GMPS: variants seen among roughly 807,000 people sequenced by gnomAD.
GMPS encodes guanosine monophosphate synthase.
GMPS carries 15 observed loss-of-function variants against 77.9 expected under a neutral mutation model. That is an observed-to-expected ratio of 0.19 (90% CI 0.13 to 0.30). The LOEUF is 0.30. Among genes scored for constraint, GMPS ranks in the 10% least tolerant of loss-of-function variants. The probability of loss-of-function intolerance (pLI) is 1.00; values close to 1 mark genes in which losing one functional copy is unlikely to be tolerated. For synonymous variants in GMPS, 224 were observed against 275.9 expected, an observed-to-expected ratio of 0.81 and a Z score of 1.86; for missense variants, 590 against 838.8, an observed-to-expected ratio of 0.70 and a Z score of 3.66.
chr3:155,940,031 G>T lies in GMPS; in HGVS notation c.*2339G>T. 1 of 208,474 alleles carries T rather than the reference G, an allele frequency of 4.8e-6. No individual in the cohort carries two copies. 12.9% of individuals were successfully genotyped at this position (208,474 alleles called of 1,614,324 possible). On this transcript the variant is annotated 3_prime_UTR_variant, in exon 16 of 16. Transcript: ENST00000496455. ...AAAATTATATAAACATTTATGGGAT[G>T]CTTATTTTACTAAGACTAGAATGGT...
intron 10 of GMPS, among the ~76,000 whole-genome samples, chr3:155,920,064 T>C (rs905494338): frequency 6.6e-6 from 1 of 152,336 alleles, no homozygotes; most frequent in East Asian, 1.9e-4. Flanking sequence ...TGCTAGGCAC[T>C]CTGCTAAATA....
At position 155,936,490 on chromosome 3, in the gene GMPS, G is replaced by A; in HGVS notation, c.1960G>A (p.Gly654Ser). The change falls in exon 15 of 16, where the codon GGC becomes AGC. Residue 654 changes from glycine (G) to serine (S), a missense_variant. By Grantham distance (56) the Gly-to-Ser change is moderately conservative. This residue lies in a region of GMPS where 73 missense variants were observed against 170.5 expected (regional missense o/e 0.43). Transcript: ENST00000496455. ...DFMTGIPATP[G>S]NEIPVEVVLK... ...CATGACTGGTATACCTGCAACACCT[G>A]GCAATGAGATCCCTGTAGAGGTAAT... 3.1e-6 allele frequency: 5 copies of A among 1,601,698 alleles called. No individual in the cohort carries two copies. The highest frequency in any genetic ancestry group is 4.3e-6 in the Non-Finnish European group (5 of 1,168,792).
At chr3:155,932,732 T>A (rs1036215573) in intron 13 of GMPS, among the ~76,000 whole-genome samples, 1 of 152,202 alleles carries the variant, frequency 6.6e-6, no homozygotes, top group Non-Finnish European at 1.5e-5. Flanking sequence ...AAGCTTACCT[T>A]TTAATGTTAA....
intron 13 of GMPS, among the ~76,000 whole-genome samples, chr3:155,932,626 TTC>T (rs1415229792): frequency 6.6e-6 from 1 of 152,244 alleles, no homozygotes; most frequent in Non-Finnish European, 1.5e-5. Context: ...TTCACAGTTA[TTC>T]TCTCTGTTCA....
At chr3:155,898,354 C>A (rs1754651114) in intron 3 of GMPS, among the ~76,000 whole-genome samples, 2 of 152,154 alleles carry the variant, frequency 1.3e-5, no homozygotes, top group African/African-American at 4.8e-5. Context: ...ACCCAGTACT[C>A]CAGTTGTTGA....
At chr3:155,922,347 C>CTT in intron 11 of GMPS, 45 bp downstream of exon 11, 1 of 737,582 alleles carries the variant, frequency 1.4e-6, no homozygotes. Context: ...TGAACGGATT[C>CTT]TTATTATATA....
rs763386864 is a variant in GMPS at position 155,931,788 on chromosome 3, C to T, written c.1584C>T (p.Tyr528=). ...GVQGDCRSYS[Y]VCGISSKDEP... is the part of the protein sequence containing the mutation. ...AGGGTGACTGTCGTTCCTACAGTTA[C>T]GTGTGTGGAATCTCCAGTAAAGATG... is the stretch of plus-strand genomic sequence containing the variant. The change falls in exon 13 of 16, where the codon TAC becomes TAT. Residue 528 remains tyrosine (Y), a synonymous_variant. Transcript: ENST00000496455. The T allele has an allele frequency of 1.4e-5, 21 of 1,547,476 alleles. No individual in the cohort carries two copies. The highest frequency in any genetic ancestry group is 1.8e-5 in the Non-Finnish European group (20 of 1,121,770).
intron 1 of GMPS, among the ~76,000 whole-genome samples, chr3:155,872,318 C>T (rs1345562034): frequency 6.6e-6 from 1 of 152,178 alleles, no homozygotes; most frequent in East Asian, 1.9e-4. Context: ...GTGCTTAGGT[C>T]CAGGGAGCTG....
Position 155,941,566 on chromosome 3 carries a change from C to G in GMPS, c.*3874C>G, listed in dbSNP as rs1707482108. On this transcript the variant is annotated 3_prime_UTR_variant, in exon 16 of 16. Transcript: ENST00000496455. Reference sequence around the variant, plus strand: ...TTGCGCAATGTTATAACCACTTTCCCACACTACTCCCCTCCAGAAATCTCA... The same window carrying G: ...TTGCGCAATGTTATAACCACTTTCCGACACTACTCCCCTCCAGAAATCTCA... 4.5e-6 allele frequency: 1 copy of G among 220,918 alleles called. No homozygotes were observed. Among genetic ancestry groups the G allele is most frequent in the East Asian group, 6.6e-5 (1 of 15,200 alleles). The allele number at this position is 220,918 out of a possible 1,614,324, so 13.7% of individuals were successfully genotyped here.
At chr3:155,879,377 C>G (rs1181287979) in intron 1 of GMPS, among the ~76,000 whole-genome samples, 1 of 150,898 alleles carries the variant, frequency 6.6e-6, no homozygotes, top group Non-Finnish European at 1.5e-5. Context: ...AAACGATTCT[C>G]CCACCTCAGC....
intron 1 of GMPS, among the ~76,000 whole-genome samples, chr3:155,871,577 T>G (rs1293246035): frequency 6.6e-6 from 1 of 152,190 alleles, no homozygotes; most frequent in African/African-American, 2.4e-5. Flanking sequence ...GCGCACTCCG[T>G]TCTCCCTCCC....
rs756460649 is a variant in GMPS at position 155,919,308 on chromosome 3, G to A, written c.1288G>A (p.Glu430Lys). 6.3e-7 allele frequency: 1 copy of A among 1,590,170 alleles called. No individual in the cohort carries two copies. The highest frequency in any genetic ancestry group is 1.3e-5 in the African/African-American group (1 of 74,560). The change falls in exon 10 of 16, where the codon GAA (glutamate) becomes AAA (lysine). Residue 430 changes from glutamate (E) to lysine (K), a missense_variant. Coordinates refer to ENST00000496455, the MANE Select transcript of GMPS (RefSeq NM_003875.3). ...TTTGGGCAGAGAACTTGGACTTCCAGAAGAGTTAGTTTCCAGGCATCCATT... is the reference window on the plus strand; with the variant it reads ...TTTGGGCAGAGAACTTGGACTTCCAAAAGAGTTAGTTTCCAGGCATCCATT... ...RILGRELGLP[E>K]ELVSRHPFPG...
chr3:155,907,581 C>T (rs73159063), intron 5 of GMPS, among the ~76,000 whole-genome samples: 13,200 of 152,102 alleles, frequency 0.087, 643 homozygotes, highest in South Asian at 0.11. Context: ...AGAGCAAGAC[C>T]CTCTCTCCTA....
chr3:155,936,117 T>C (rs1212194349), intron 14 of GMPS, among the ~76,000 whole-genome samples: 1 of 152,210 alleles, frequency 6.6e-6, no homozygotes, highest in East Asian at 1.9e-4. Flanking sequence ...TTACAGCACA[T>C]CAGTGAAACA....
intron 11 of GMPS, among the ~76,000 whole-genome samples, chr3:155,923,856 A>G (rs4680220): frequency 0.25 from 38,302 of 152,022 alleles, 5,212 homozygotes; most frequent in South Asian, 0.44. Flanking sequence ...TGTGCAGTTA[A>G]GGTTGAGAAC....
chr3:155,923,111 T>C (rs1400471933), intron 11 of GMPS, among the ~76,000 whole-genome samples: 2 of 152,042 alleles, frequency 1.3e-5, no homozygotes, highest in African/African-American at 4.8e-5. Flanking sequence ...ACAAGCAATA[T>C]GTAAAGTAAA....
chr3:155,892,724 G>A (rs998320127), intron 1 of GMPS, among the ~76,000 whole-genome samples: 10 of 152,064 alleles, frequency 6.6e-5, no homozygotes, highest in Non-Finnish European at 8.8e-5. Context: ...CTCCGCCTCC[G>A]GGGTTCAAGC....
At chr3:155,926,337 T>C (rs962471250) in intron 12 of GMPS, among the ~76,000 whole-genome samples, 6 of 152,156 alleles carry the variant, frequency 3.9e-5, no homozygotes. Context: ...TCAAATGAGT[T>C]TTTGGGGAGC....
At chr3:155,918,461 T>A (rs1019347730) in intron 9 of GMPS, among the ~76,000 whole-genome samples, 2 of 152,140 alleles carry the variant, frequency 1.3e-5, no homozygotes, top group Non-Finnish European at 2.9e-5. Flanking sequence ...TAAAAAAAAG[T>A]AAATAAAAAT....
Sources: allele counts gnomAD v4.1 joint callset (sites outside exome capture counted in the v4.1 genomes callset), GRCh38; gene constraint gnomAD v4.1.1; regional missense constraint gnomAD v4.1.1; transcripts MANE v1.5; gene names NCBI Gene and HGNC (gene_info 2026-07-23, HGNC 2026-07-21).